Variants in AGBL4 observed in about 807,000 individuals in gnomAD.
AGBL4 encodes the protein cytosolic carboxypeptidase 6.
A neutral mutation model predicts 66.4 loss-of-function variants in AGBL4; 58 were observed. The observed-to-expected ratio is 0.87, with a 90% confidence interval of 0.71 to 1.09. AGBL4 has a LOEUF of 1.09. AGBL4 is among the 50% of genes least tolerant of loss of function. The probability of loss-of-function intolerance (pLI) is 0.00; values close to 1 mark genes in which losing one functional copy is unlikely to be tolerated. For synonymous variants in AGBL4, 234 were observed against 222.9 expected (o/e 1.05, Z -0.44); for missense variants, 579 against 631.0 (o/e 0.92, Z 0.88).
At chr1:49,965,510 A>G (rs1344288924) in intron 1 of AGBL4, among the ~76,000 whole-genome samples, 2 of 152,180 alleles carry the variant, frequency 1.3e-5, no homozygotes, top group South Asian at 2.1e-4. Flanking sequence ...TAATTGGACT[A>G]TGAGTTCTGA....
chr1:49,685,647 T>C (rs1208617140), intron 3 of AGBL4, among the ~76,000 whole-genome samples: 2 of 152,224 alleles, frequency 1.3e-5, no homozygotes, highest in Admixed American at 1.3e-4. Flanking sequence ...ATTTCTGTAA[T>C]GATCAAGGAT....
At chr1:49,879,911 T>G (rs1028505653) in intron 1 of AGBL4, among the ~76,000 whole-genome samples, 1 of 137,780 alleles carries the variant, frequency 7.3e-6, no homozygotes, top group Non-Finnish European at 1.6e-5. Flanking sequence ...TTCATTCATT[T>G]CATCTTCCAT....
chr1:49,953,165 C>G (rs1003589893), intron 1 of AGBL4, among the ~76,000 whole-genome samples: 1 of 151,950 alleles, frequency 6.6e-6, no homozygotes, highest in African/African-American at 2.4e-5. Context: ...CTGTCATCAT[C>G]TAGGTTTTAT....
chr1:49,603,609 A>G (rs1313651028), intron 3 of AGBL4, among the ~76,000 whole-genome samples: 2 of 152,100 alleles, frequency 1.3e-5, no homozygotes, highest in African/African-American at 2.4e-5. Context: ...TAAGGCCTCT[A>G]GGAGGCAGGC....
chr1:48,539,668 C>T lies in AGBL4; in HGVS notation c.1338G>A (p.Lys446=), dbSNP rs1412403796. 3.9e-6 allele frequency: 6 copies of T among 1,543,636 alleles called. No individual in the cohort carries two copies. In the African/African-American group the frequency reaches 5.5e-5, roughly 14 times the overall value. The part of the protein sequence containing the change: ...DYYRLNPVVE[K]VAIPMPRLRN... ...GCAGTCTCGGCATGGGAATTGCCAC[C>T]TTTTCAACCACGGGGTTCAGCCGAT... is the stretch of plus-strand genomic sequence containing the variant. The change falls in exon 12 of 14, where the codon AAG becomes AAA. Residue 446 remains lysine (K), a synonymous_variant. Transcript: ENST00000371839.
At chr1:49,673,915 A>G (rs548522596) in intron 3 of AGBL4, among the ~76,000 whole-genome samples, 1 of 152,186 alleles carries the variant, frequency 6.6e-6, no homozygotes, top group Non-Finnish European at 1.5e-5. Context: ...AGGGCTAGGA[A>G]CAGGGGGTTG....
At chr1:48,607,175 T>C (rs900082472) in intron 9 of AGBL4, among the ~76,000 whole-genome samples, 6 of 152,216 alleles carry the variant, frequency 3.9e-5, no homozygotes, top group Admixed American at 3.3e-4. Context: ...AGGGCTGTGC[T>C]GTATAAGTAG....
intron 4 of AGBL4, among the ~76,000 whole-genome samples, chr1:49,186,226 C>T (rs1647014063): frequency 6.6e-6 from 1 of 152,166 alleles, no homozygotes; most frequent in Admixed American, 6.5e-5. Flanking sequence ...ATATGCCCCT[C>T]TCCCTAGAAT....
At chr1:49,886,864 C>A (rs897499517) in intron 1 of AGBL4, among the ~76,000 whole-genome samples, 1 of 152,024 alleles carries the variant, frequency 6.6e-6, no homozygotes, top group Admixed American at 6.6e-5. Context: ...AAAACAGAAC[C>A]CTTAAAAACA....
chr1:48,704,337 A>C (rs1646848777), intron 6 of AGBL4, among the ~76,000 whole-genome samples: 1 of 152,200 alleles, frequency 6.6e-6, no homozygotes. Flanking sequence ...CTTTAGAAAC[A>C]CTGTTCACTT....
At chr1:48,970,860 G>C (rs1658844638) in intron 5 of AGBL4, among the ~76,000 whole-genome samples, 3 of 152,086 alleles carry the variant, frequency 2.0e-5, no homozygotes. Context: ...AAAAAATACA[G>C]AGGTTGGACA....
chr1:49,856,852 A>C (rs1442716199), intron 1 of AGBL4, among the ~76,000 whole-genome samples: 2 of 152,122 alleles, frequency 1.3e-5, no homozygotes, highest in African/African-American at 4.8e-5. Context: ...TCTCTTACTC[A>C]ACATGGTACT....
intron 1 of AGBL4, among the ~76,000 whole-genome samples, chr1:50,003,914 G>C (rs189004017): frequency 1.3e-5 from 2 of 152,120 alleles, no homozygotes; most frequent in East Asian, 3.9e-4. Flanking sequence ...CTTCCCACAG[G>C]AACACCAAAT....
chr1:48,539,552 T>G (rs749793274), intron 12 of AGBL4, 90 bp downstream of exon 12: 2 of 1,025,578 alleles, frequency 2.0e-6, no homozygotes, highest in Non-Finnish European at 2.7e-6. Flanking sequence ...GATGGGATGC[T>G]GAGTGTCAGC....
chr1:49,480,584 A>C (rs564898160), intron 3 of AGBL4, among the ~76,000 whole-genome samples: 1 of 151,552 alleles, frequency 6.6e-6, no homozygotes, highest in East Asian at 2.0e-4. Context: ...TTCATTTTGT[A>C]GATTATCTGT....
At chr1:49,076,922 G>A (rs1473338064) in intron 4 of AGBL4, among the ~76,000 whole-genome samples, 1 of 152,148 alleles carries the variant, frequency 6.6e-6, no homozygotes, top group African/African-American at 2.4e-5. Context: ...CTGGCTATTA[G>A]TGCTCTCTTT....
chr1:48,922,153 G>A (rs1055329759), intron 5 of AGBL4, among the ~76,000 whole-genome samples: 7 of 152,134 alleles, frequency 4.6e-5, no homozygotes, highest in African/African-American at 1.7e-4. Context: ...ATGAAGCCAA[G>A]GTGTCTGCTC....
At chr1:49,220,739 A>C (rs750181175) in intron 4 of AGBL4, among the ~76,000 whole-genome samples, 6 of 152,118 alleles carry the variant, frequency 3.9e-5, no homozygotes, top group Non-Finnish European at 5.9e-5. Context: ...ATAGGTTTGC[A>C]TCTCAGTTCC....
intron 6 of AGBL4, among the ~76,000 whole-genome samples, chr1:48,729,417 G>A (rs1007500685): frequency 6.6e-6 from 1 of 152,192 alleles, no homozygotes; most frequent in Non-Finnish European, 1.5e-5. Flanking sequence ...GACTCTTTGA[G>A]CCTGAGTTTT....
Sources: allele counts gnomAD v4.1 joint callset (sites outside exome capture counted in the v4.1 genomes callset), GRCh38; gene constraint gnomAD v4.1.1; transcripts MANE v1.5; gene names NCBI Gene and HGNC (gene_info 2026-07-23, HGNC 2026-07-21).